The following SCN10A variants were observed in gnomAD, a reference collection of about 807,000 sequenced individuals.
SCN10A encodes sodium channel protein type 10 subunit alpha.
A neutral mutation model predicts 170.7 loss-of-function variants in SCN10A; 162 were observed. The ratio of observed to expected loss-of-function variants is 0.95; its 90% CI spans 0.84 to 1.08. The LOEUF is 1.08. Ranked by LOEUF, SCN10A falls within the 50% of genes least tolerant of loss-of-function variation. SCN10A has a pLI of 0.00. For synonymous variants in SCN10A, 985 were observed against 904.6 expected, an observed-to-expected ratio of 1.09 and a Z score of -1.59; for missense variants, 2,527 against 2,436.9, an observed-to-expected ratio of 1.04 and a Z score of -0.78.
chr3:38,771,527 T>G, intron 4 of SCN10A, 120 bp from the exon 5 acceptor site: 2 of 979,974 alleles, frequency 2.0e-6, no homozygotes, highest in East Asian at 2.5e-5. Flanking sequence ...ATGCAAAGAA[T>G]ATCACCAAGG....
intron 1 of SCN10A, among the ~76,000 whole-genome samples, chr3:38,810,198 T>C (rs2064431275): frequency 6.6e-6 from 1 of 152,182 alleles, no homozygotes; most frequent in Non-Finnish European, 1.5e-5. Context: ...AATCCCCCTT[T>C]TTTCTCTAAG....
chr3:38,788,216 C>CAAAAA (rs561959910), intron 4 of SCN10A, among the ~76,000 whole-genome samples: 206 of 97,738 alleles, frequency 2.1e-3, no homozygotes, highest in Non-Finnish European at 2.8e-3. Flanking sequence ...TTATGATTAG[C>CAAAAA]AAAAAAAAAA....
At chr3:38,726,163 C>T (rs574515837) in intron 17 of SCN10A, among the ~76,000 whole-genome samples, 13 of 152,172 alleles carry the variant, frequency 8.5e-5, no homozygotes, top group Admixed American at 2.0e-4. Context: ...CCAAAAGGAG[C>T]GTGTCATTTC....
At chr3:38,814,465 A>G (rs1315620085) in intron 1 of SCN10A, among the ~76,000 whole-genome samples, 1 of 152,150 alleles carries the variant, frequency 6.6e-6, no homozygotes, top group Admixed American at 6.6e-5. Context: ...GACAGAAGGG[A>G]ATACATGACT....
At chr3:38,740,818 G>A (rs895035756) in intron 14 of SCN10A, among the ~76,000 whole-genome samples, 4 of 152,186 alleles carry the variant, frequency 2.6e-5, no homozygotes, top group African/African-American at 4.8e-5. Flanking sequence ...CTCTGACACT[G>A]TGGGAAAGGC....
intron 2 of SCN10A, 115 bp downstream of exon 2, chr3:38,793,626 G>A: frequency 1.0e-6 from 1 of 982,452 alleles, no homozygotes; most frequent in South Asian, 1.8e-5. Flanking sequence ...GTTGTTAACG[G>A]AATCTTTAGC....
rs765623505 is a variant in SCN10A at position 38,725,286 on chromosome 3, C to G, written c.3116G>C (p.Cys1039Ser). ...GCTCCTGGGTGTCAGGTGGTCCCCACACCTCTCGACTTGCTGCAGCTGCTC... is the reference window on the plus strand; with the variant it reads ...GCTCCTGGGTGTCAGGTGGTCCCCAGACCTCTCGACTTGCTGCAGCTGCTC... ...QQEQLQQVERCGDHLTPRSPG... is the reference protein window; with the variant it reads ...QQEQLQQVERSGDHLTPRSPG... Residue 1039 changes from cysteine to serine, a missense_variant, in exon 18 of 28, where the codon TGT becomes TCT. Transcript: ENST00000449082. 1 of 1,583,014 alleles carries G rather than the reference C, an allele frequency of 6.3e-7. No individual in the cohort carries two copies.
chr3:38,708,719 G>C (rs1163144912), intron 25 of SCN10A, among the ~76,000 whole-genome samples: 3 of 152,120 alleles, frequency 2.0e-5, no homozygotes, highest in Non-Finnish European at 4.4e-5. Flanking sequence ...GGTATTATTA[G>C]CCCCATTGAA....
chr3:38,767,798 C>T (rs1421144380), intron 5 of SCN10A, among the ~76,000 whole-genome samples: 1 of 151,994 alleles, frequency 6.6e-6, no homozygotes, highest in African/African-American at 2.4e-5. Flanking sequence ...TCTTTGTTGA[C>T]TTTCTGTCTT....
chr3:38,706,675 A>G (rs1241886822), intron 26 of SCN10A, among the ~76,000 whole-genome samples: 1 of 152,184 alleles, frequency 6.6e-6, no homozygotes, highest in East Asian at 1.9e-4. Flanking sequence ...CATTTAATGG[A>G]GGAACGCAAA....
At chr3:38,723,856 C>T (rs546175363) in intron 18 of SCN10A, among the ~76,000 whole-genome samples, 2 of 152,354 alleles carry the variant, frequency 1.3e-5, no homozygotes, top group Admixed American at 1.3e-4. Context: ...GCCCTCCTGG[C>T]AGCTCCAGCC....
rs11719241 is a variant in SCN10A, at chr3:38,793,593, G to T, written c.270+148C>A. 74,640 of 634,380 alleles carry T rather than the reference G, an allele frequency of 0.12. 4,296 individuals carry two copies. The highest frequency in any genetic ancestry group is 0.14 in the Admixed American group (5,347 of 39,416). The allele number at this position is 634,380 out of a possible 1,614,324, so 39.3% of individuals were successfully genotyped here. ...CAAAGAGATCATCAAATAAGTTAGA[G>T]ATATATATATATATTTTTTTTGGTT... is the stretch of plus-strand genomic sequence containing the variant. On this transcript the variant is annotated intron_variant, in intron 2 of 27. Transcript: ENST00000449082.
chr3:38,748,941 G>A (rs2063720641), intron 13 of SCN10A, among the ~76,000 whole-genome samples: 1 of 152,120 alleles, frequency 6.6e-6, no homozygotes. Flanking sequence ...CCACTATAAA[G>A]TAGCATCACC....
intron 4 of SCN10A, among the ~76,000 whole-genome samples, chr3:38,783,410 T>C (rs1427882016): frequency 3.9e-5 from 6 of 152,134 alleles, no homozygotes; most frequent in Non-Finnish European, 7.4e-5. Context: ...CTAAACAAAA[T>C]AGTTTAGTTT....
At chr3:38,750,309 T>C (rs1342212629) in intron 12 of SCN10A, 125 bp from the exon 13 acceptor site, 1 of 592,456 alleles carries the variant, frequency 1.7e-6, no homozygotes, top group East Asian at 2.8e-5. Context: ...GATAGAGATA[T>C]GTTCTGACAA....
rs771524228 is a variant in SCN10A at position 38,755,931 on chromosome 3, T to A, written c.1318A>T (p.Thr440Ser). The A allele has an allele frequency of 4.3e-6, 7 of 1,613,976 alleles. No homozygotes were observed. In the Admixed American group the frequency reaches 8.3e-5, roughly 19 times the overall value. ...EVLAALGIDT[T>S]SLHSHNGSPL... is the part of the protein sequence containing the mutation. ...GATCCATTGTGGGAGTGGAGAGAGG[T>A]TGTGTCAATCCCTAGTGCTGCTAGC... The change falls in exon 11 of 28, where the codon ACC becomes TCC. Residue 440 changes from threonine to serine, a missense_variant. Transcript: ENST00000449082.
At chr3:38,794,091 C>T in intron 1 of SCN10A, 49 bp from the exon 2 acceptor site, 1 of 1,265,230 alleles carries the variant, frequency 7.9e-7, no homozygotes, top group Non-Finnish European at 1.1e-6. Flanking sequence ...TGCCCACTGG[C>T]CCTGTCCCTC....
chr3:38,723,318 AGCAAGTGG>A, intron 19 of SCN10A, 104 bp downstream of exon 19: 1 of 1,344,512 alleles, frequency 7.4e-7, no homozygotes, highest in Non-Finnish European at 1.0e-6. Flanking sequence ...GGAGTGAGGC[AGCAAGTGG>A]GCACAGCTTG....
rs530622288 is a variant in SCN10A at position 38,802,483 on chromosome 3, T to C, written c.-32-8441A>G. 4.6e-5 allele frequency among the ~76,000 whole-genome samples: 7 copies of C among 152,314 alleles called. No homozygotes were observed. In the East Asian group the frequency reaches 1.3e-3, roughly 29 times the overall value. On this transcript the variant is annotated intron_variant, in intron 1 of 27. Transcript: ENST00000449082. ...CTTAGCCTTCTCCCGTTTTAACACA[T>C]TGTAACTTCATTATTCTAGTAACTT...
Sources: allele counts gnomAD v4.1 joint callset (sites outside exome capture counted in the v4.1 genomes callset), GRCh38; gene constraint gnomAD v4.1.1; transcripts MANE v1.5; gene names NCBI Gene and HGNC (gene_info 2026-07-23, HGNC 2026-07-21).